The following ANK3 variants were observed in gnomAD, a reference collection of about 807,000 sequenced individuals.
ANK3 encodes ankyrin 3, also known as ankyrin-3.
ANK3 carries 57 observed loss-of-function variants against 370.9 expected under a neutral mutation model. That is an observed-to-expected ratio of 0.15 (90% CI 0.12 to 0.19). The LOEUF is 0.19. Ranked by LOEUF, ANK3 falls within the 10% of genes least tolerant of loss-of-function variation. The probability of loss-of-function intolerance (pLI) is 1.00; values close to 1 mark genes in which losing one functional copy is unlikely to be tolerated. For missense variants in ANK3, 4,439 were observed against 5,302.1 expected, an observed-to-expected ratio of 0.84 and a Z score of 5.06; for synonymous variants, 1,929 against 1,946.3, an observed-to-expected ratio of 0.99 and a Z score of 0.23.
chr10:60,412,900 T>C (rs2063588228), intron 2 of ANK3, among the ~76,000 whole-genome samples: 1 of 152,224 alleles, frequency 6.6e-6, no homozygotes, highest in Admixed American at 6.5e-5. Context: ...ACCTCATTTA[T>C]CTTTTTATTC....
chr10:60,444,802 G>A (rs899745637), intron 2 of ANK3, among the ~76,000 whole-genome samples: 1 of 151,898 alleles, frequency 6.6e-6, no homozygotes, highest in African/African-American at 2.4e-5. Context: ...AAGAGTTGTG[G>A]GTATTTATGA....
intron 2 of ANK3, among the ~76,000 whole-genome samples, chr10:60,398,330 T>C (rs1187260352): frequency 6.6e-6 from 1 of 152,212 alleles, no homozygotes; most frequent in East Asian, 1.9e-4. Flanking sequence ...ACTGCTCTTC[T>C]GAGGTAGCAC....
At chr10:60,392,611 T>C (rs1049107020), upstream of ANK3, among the ~76,000 whole-genome samples, 1 of 152,200 alleles carries the variant, frequency 6.6e-6, no homozygotes, top group Non-Finnish European at 1.5e-5. Context: ...GCGTGGCCCA[T>C]GCACGGAATG....
intron 8 of ANK3, among the ~76,000 whole-genome samples, chr10:60,216,852 C>T (rs978414200): frequency 5.9e-5 from 9 of 152,108 alleles, no homozygotes; most frequent in Admixed American, 5.9e-4. Context: ...ACTAGCTCCT[C>T]TTTGTATTTC....
At chr10:60,421,733 A>G (rs958016305) in intron 2 of ANK3, among the ~76,000 whole-genome samples, 1 of 152,092 alleles carries the variant, frequency 6.6e-6, no homozygotes, top group African/African-American at 2.4e-5. Flanking sequence ...TAATCCCACT[A>G]GATCTTTTCA....
At chr10:60,649,638 T>C (rs2078760644) in intron 1 of ANK3, among the ~76,000 whole-genome samples, 1 of 152,244 alleles carries the variant, frequency 6.6e-6, no homozygotes. Context: ...CAGAGCCTTT[T>C]AAACTACAAT....
intron 42 of ANK3, among the ~76,000 whole-genome samples, chr10:60,051,297 T>A (rs2077944776): frequency 6.6e-6 from 1 of 152,214 alleles, no homozygotes; most frequent in Non-Finnish European, 1.5e-5. Flanking sequence ...CAACATGGCT[T>A]CTTTTCTTTT....
intron 16 of ANK3, among the ~76,000 whole-genome samples, chr10:60,192,989 T>G (rs1348136626): frequency 6.6e-6 from 1 of 151,810 alleles, no homozygotes; most frequent in Non-Finnish European, 1.5e-5. Context: ...TCCTAGCAGA[T>G]AAAGCCAATA....
intron 1 of ANK3, among the ~76,000 whole-genome samples, chr10:60,664,661 A>G (rs2078975060): frequency 6.6e-6 from 1 of 152,228 alleles, no homozygotes; most frequent in African/African-American, 2.4e-5. Context: ...TGACCCCAAG[A>G]TCCATTTAAA....
intron 1 of ANK3, among the ~76,000 whole-genome samples, chr10:60,377,226 G>A (rs2060907524): frequency 6.6e-6 from 1 of 152,230 alleles, no homozygotes; most frequent in Non-Finnish European, 1.5e-5. Flanking sequence ...GACCTCTGAA[G>A]CTGTGTTCCT....
At chr10:60,379,216 C>G (rs562429763) in intron 1 of ANK3, among the ~76,000 whole-genome samples, 1 of 152,042 alleles carries the variant, frequency 6.6e-6, no homozygotes, top group Admixed American at 6.6e-5. Context: ...ATAAAAATAA[C>G]AAATGCTGGC....
intron 23 of ANK3, among the ~76,000 whole-genome samples, chr10:60,159,595 C>T (rs2095442096): frequency 6.6e-6 from 1 of 152,108 alleles, no homozygotes; most frequent in Non-Finnish European, 1.5e-5. Context: ...AACATTCTAT[C>T]CAACACCTGT....
chr10:60,408,272 T>A (rs2063493019), intron 2 of ANK3, among the ~76,000 whole-genome samples: 1 of 152,202 alleles, frequency 6.6e-6, no homozygotes, highest in African/African-American at 2.4e-5. Flanking sequence ...TGTTTAATTG[T>A]CAACCCCAGT....
intron 2 of ANK3, among the ~76,000 whole-genome samples, chr10:60,496,987 G>A (rs1934760): frequency 0.73 from 111,174 of 152,090 alleles, 40,657 homozygotes; most frequent in South Asian, 0.88. Context: ...TTTGAATACA[G>A]TATCAGTTTT....
At chr10:60,236,627 T>C (rs78888677) in intron 7 of ANK3, among the ~76,000 whole-genome samples, 294 of 152,294 alleles carry the variant, frequency 1.9e-3, no homozygotes, top group African/African-American at 6.8e-3. Flanking sequence ...TTAATGGTTG[T>C]ATGGTTAGGG....
At chr10:60,357,284 C>T (rs1218316090) in intron 1 of ANK3, among the ~76,000 whole-genome samples, 4 of 152,168 alleles carry the variant, frequency 2.6e-5, no homozygotes, top group Non-Finnish European at 4.4e-5. Context: ...GCGTCACCTC[C>T]AAAGTAACTA....
At chr10:60,233,256 G>T (rs188362326) in intron 8 of ANK3, among the ~76,000 whole-genome samples, 1 of 152,218 alleles carries the variant, frequency 6.6e-6, no homozygotes, top group African/African-American at 2.4e-5. Context: ...TTCAGATAGA[G>T]AAAGGACAAT....
intron 28 of ANK3, among the ~76,000 whole-genome samples, chr10:60,101,964 C>T (rs777201700): frequency 4.6e-5 from 7 of 151,896 alleles, no homozygotes; most frequent in Non-Finnish European, 1.0e-4. Context: ...GGCAAAGGAG[C>T]AGTGCAGAGA....
intron 1 of ANK3, among the ~76,000 whole-genome samples, chr10:60,378,850 C>T (rs1459725): frequency 0.75 from 114,209 of 151,634 alleles, 43,186 homozygotes; most frequent in South Asian, 0.91. Flanking sequence ...AAGAAACAAA[C>T]TTGATTATAT....
Sources: gnomAD v4.1 joint callset for allele counts (sites outside exome capture counted in the v4.1 genomes callset) on GRCh38, gnomAD v4.1.1 for gene constraint, MANE v1.5 for transcripts, NCBI Gene and HGNC (gene_info 2026-07-23, HGNC 2026-07-21) for gene names.